Variants in DACH2 observed in about 807,000 individuals in gnomAD.
The protein encoded by DACH2 is dachshund family transcription factor 2, also known as dachshund homolog 2.
A neutral mutation model predicts 35.8 loss-of-function variants in DACH2; 17 were observed. The observed-to-expected ratio is 0.48, with a 90% confidence interval of 0.33 to 0.71. DACH2 has a LOEUF of 0.71. Ranked by LOEUF, DACH2 falls within the 30% of genes least tolerant of loss-of-function variation. DACH2 has a pLI of 0.02. For missense variants in DACH2, 469 were observed against 472.7 expected, an observed-to-expected ratio of 0.99 and a Z score of 0.07; for synonymous variants, 195 against 177.3, an observed-to-expected ratio of 1.10 and a Z score of -0.79.
chrX:86,767,075 A>G (rs1365516361), intron 7 of DACH2, among the ~76,000 whole-genome samples: 2 of 112,186 alleles, frequency 1.8e-5, no homozygotes, highest in Non-Finnish European at 3.8e-5. Flanking sequence ...CAGTTGTCTA[A>G]TCTTTTGTAT....
At chrX:86,784,144 T>TA (rs1278713028) in intron 7 of DACH2, among the ~76,000 whole-genome samples, 141 of 103,369 alleles carry the variant, frequency 1.4e-3, no homozygotes, top group Middle Eastern at 4.8e-3. Flanking sequence ...AGATAAAAAT[T>TA]AAAAAAAAAA....
intron 1 of DACH2, among the ~76,000 whole-genome samples, chrX:86,270,247 C>T (rs2033792221): frequency 9.2e-6 from 1 of 109,102 alleles, no homozygotes; most frequent in African/African-American, 3.3e-5. Flanking sequence ...CTTCTGATTC[C>T]CAATCAAATA....
At chrX:86,203,212 A>G (rs1208348044) in intron 1 of DACH2, among the ~76,000 whole-genome samples, 3 of 111,491 alleles carry the variant, frequency 2.7e-5, no homozygotes, top group Non-Finnish European at 5.7e-5. Flanking sequence ...TGAAGTTTAT[A>G]TTTTCAGTAT....
At position 86,580,670 on chromosome X, in the gene DACH2, C is replaced by T. The variant is rs55640109; in HGVS notation, c.640+66279C>T. On this transcript the variant is annotated intron_variant, in intron 3 of 11. Coordinates refer to ENST00000373125, the MANE Select transcript of DACH2 (RefSeq NM_053281.3). Reference sequence around the variant, plus strand: ...ATGAAGACTGGTTCTCCAAATAAGTCGGTCAGATAAAACTAAAGAAGAAAG... The same window carrying T: ...ATGAAGACTGGTTCTCCAAATAAGTTGGTCAGATAAAACTAAAGAAGAAAG... Among the ~76,000 whole-genome samples, 533 of 111,074 alleles carry T rather than the reference C, an allele frequency of 4.8e-3. 4 individuals carry two copies. The highest frequency in any genetic ancestry group is 0.017 in the African/African-American group (508 of 30,637).
intron 2 of DACH2, among the ~76,000 whole-genome samples, chrX:86,471,649 T>A (rs183057589): frequency 9.0e-6 from 1 of 111,414 alleles, no homozygotes; most frequent in East Asian, 2.8e-4. Flanking sequence ...TGTGTCTTTC[T>A]TGAAGAGAGA....
At chrX:86,373,516 A>C (rs5968910) in intron 1 of DACH2, among the ~76,000 whole-genome samples, 1 of 109,359 alleles carries the variant, frequency 9.1e-6, no homozygotes, top group Non-Finnish European at 1.9e-5. Context: ...CTAATATACA[A>C]TAGAGGAAGG....
At chrX:86,586,485 G>A (rs2039572168) in intron 3 of DACH2, among the ~76,000 whole-genome samples, 1 of 111,443 alleles carries the variant, frequency 9.0e-6, no homozygotes, top group Non-Finnish European at 1.9e-5. Context: ...TGAAACCTTT[G>A]CCAGGTCCTA....
intron 1 of DACH2, among the ~76,000 whole-genome samples, chrX:86,243,081 A>G (rs1224734326): frequency 8.9e-6 from 1 of 111,841 alleles, no homozygotes; most frequent in African/African-American, 3.3e-5. Context: ...CTGGTCTCCA[A>G]CAGAGTAGTA....
intron 5 of DACH2, among the ~76,000 whole-genome samples, chrX:86,699,372 T>G (rs1486982415): frequency 8.9e-6 from 1 of 112,319 alleles, no homozygotes; most frequent in Admixed American, 9.4e-5. Context: ...AGAGATTTAC[T>G]GGACTTACAC....
intron 7 of DACH2, among the ~76,000 whole-genome samples, chrX:86,807,616 G>GTAT (rs2042357294): frequency 8.9e-6 from 1 of 111,747 alleles, no homozygotes; most frequent in African/African-American, 3.3e-5. Flanking sequence ...GACACAGTTG[G>GTAT]TATTTGGTCA....
chrX:86,734,163 A>G (rs1251683940), intron 6 of DACH2, among the ~76,000 whole-genome samples: 2 of 110,870 alleles, frequency 1.8e-5, no homozygotes, highest in Non-Finnish European at 3.8e-5. Flanking sequence ...CTTTTCCAGG[A>G]CAAGTTCATC....
intron 3 of DACH2, among the ~76,000 whole-genome samples, chrX:86,648,502 C>T (rs1339540396): frequency 9.0e-6 from 1 of 111,147 alleles, no homozygotes; most frequent in African/African-American, 3.3e-5. Context: ...GAATAAAAGG[C>T]CAAATTGCTA....
intron 3 of DACH2, among the ~76,000 whole-genome samples, chrX:86,624,454 T>C (rs1396973536): frequency 3.6e-5 from 4 of 112,059 alleles, no homozygotes; most frequent in East Asian, 2.8e-4. Context: ...TAAGAGAAAG[T>C]ATAATTTGAC....
intron 2 of DACH2, among the ~76,000 whole-genome samples, chrX:86,378,164 C>A (rs1373816508): frequency 2.7e-5 from 3 of 110,244 alleles, no homozygotes; most frequent in African/African-American, 9.8e-5. Flanking sequence ...AAGTCAAGTT[C>A]TTTCTTCATT....
intron 2 of DACH2, among the ~76,000 whole-genome samples, chrX:86,434,260 T>C (rs368920288): frequency 6.2e-5 from 7 of 112,038 alleles, no homozygotes; most frequent in East Asian, 2.8e-4. Context: ...TATTTTGATA[T>C]GGGCATGTAG....
At chrX:86,374,358 C>A (rs1193377076) in intron 1 of DACH2, among the ~76,000 whole-genome samples, 4 of 111,041 alleles carry the variant, frequency 3.6e-5, no homozygotes, top group Admixed American at 9.7e-5. Context: ...TTATTAACTT[C>A]TTGGGTCTCA....
chrX:86,625,895 C>A (rs2148382797), intron 3 of DACH2, among the ~76,000 whole-genome samples: 1 of 111,373 alleles, frequency 9.0e-6, no homozygotes, highest in South Asian at 4.0e-4. Flanking sequence ...AGCTACAATT[C>A]AAGATGGGAT....
chrX:86,766,842 G>A (rs1395117424), intron 7 of DACH2, among the ~76,000 whole-genome samples: 1 of 110,883 alleles, frequency 9.0e-6, no homozygotes, highest in African/African-American at 3.3e-5. Context: ...TTGAGTCCAG[G>A]ATTTTTTTTT....
rs1331004260 is a variant in DACH2 at position 86,426,647 on chromosome X, G to A, written c.527+49785G>A. 2.7e-5 allele frequency among the ~76,000 whole-genome samples: 3 copies of A among 111,175 alleles called. No homozygotes were observed. The Admixed American group carries it at 2.9e-4, about 11-fold the overall frequency. ...GGTCTGCCTCCAGCTTTTCTTTGCA[G>A]AGAGAGGATAATTTCCCATCATCAT... On this transcript the variant is annotated intron_variant, in intron 2 of 11. Coordinates refer to ENST00000373125, the MANE Select transcript of DACH2 (RefSeq NM_053281.3).
Sources: gnomAD v4.1 joint callset for allele counts (sites outside exome capture counted in the v4.1 genomes callset) on GRCh38, gnomAD v4.1.1 for gene constraint, MANE v1.5 for transcripts, NCBI Gene and HGNC (gene_info 2026-07-23, HGNC 2026-07-21) for gene names.